The following PRKN variants were observed in gnomAD, a reference collection of about 807,000 sequenced individuals.
The protein encoded by PRKN is E3 ubiquitin-protein ligase parkin.
A neutral mutation model predicts 59.5 loss-of-function variants in PRKN; 56 were observed. The observed-to-expected ratio is 0.94, with a 90% confidence interval of 0.76 to 1.18. PRKN has a LOEUF of 1.18. PRKN is among the 50% of genes most tolerant of loss of function. PRKN has a pLI of 0.00. For missense variants in PRKN, 657 were observed against 596.4 expected (o/e 1.10, Z -1.06); for synonymous variants, 250 against 222.1 (o/e 1.13, Z -1.12).
chr6:162,390,396 T>TACACACACACACACAC (rs1554312764), intron 2 of PRKN, among the ~76,000 whole-genome samples: 1 of 84,116 alleles, frequency 1.2e-5, no homozygotes, highest in African/African-American at 4.5e-5. Context: ...TATATATATA[T>TACACACACACACACAC]ACACACACAC....
At chr6:162,535,088 C>T (rs141286336) in intron 1 of PRKN, among the ~76,000 whole-genome samples, 6 of 151,480 alleles carry the variant, frequency 4.0e-5, no homozygotes, top group Non-Finnish European at 8.9e-5. Context: ...TTAACAGGTG[C>T]TGGCTAAAGG....
At chr6:162,227,519 C>T (rs891023677) in intron 3 of PRKN, among the ~76,000 whole-genome samples, 17 of 152,054 alleles carry the variant, frequency 1.1e-4, no homozygotes, top group Non-Finnish European at 2.2e-4. Context: ...ATCTGACACC[C>T]ACAAACACTT....
chr6:162,532,741 C>A (rs1226617514), intron 1 of PRKN, among the ~76,000 whole-genome samples: 2 of 152,300 alleles, frequency 1.3e-5, no homozygotes, highest in East Asian at 3.9e-4. Context: ...ACAAAGATTT[C>A]TTATCTGTAT....
chr6:162,611,914 G>A lies in PRKN; in HGVS notation c.7+115748C>T, dbSNP rs565341212. Among the ~76,000 whole-genome samples the A allele has an allele frequency of 2.1e-3, 320 of 152,180 alleles. 2 individuals carry two copies. The highest frequency in any genetic ancestry group is 5.2e-3 in the South Asian group (25 of 4,830). On this transcript the variant is annotated intron_variant, in intron 1 of 11. Transcript: ENST00000366898. ...ATAAAGAAATGATACAGCGGGGCGT[G>A]GTGGCTCACGCCTGTAATCCCAGCA...
intron 7 of PRKN, among the ~76,000 whole-genome samples, chr6:161,664,587 C>T (rs538506534): frequency 3.3e-5 from 5 of 152,178 alleles, no homozygotes; most frequent in Admixed American, 2.0e-4. Context: ...TTTAATAGAA[C>T]AAAGTTATTC....
At chr6:161,926,981 G>A (rs1778992144) in intron 6 of PRKN, among the ~76,000 whole-genome samples, 1 of 152,092 alleles carries the variant, frequency 6.6e-6, no homozygotes, top group East Asian at 1.9e-4. Context: ...GATAAACAAG[G>A]CTCAGATAAA....
At position 161,467,342 on chromosome 6, in the gene PRKN, T is replaced by C. The variant is rs1156371468; in HGVS notation, c.1084-80465A>G. The stretch of plus-strand genomic sequence containing the variant: ...GCGGTGAATTTGATATAGACACATA[T>C]AATACGAACACGATTCTAGCCCTAT... On this transcript the variant is annotated intron_variant, in intron 9 of 11. Coordinates refer to ENST00000366898, the MANE Select transcript of PRKN (RefSeq NM_004562.3). This position sits in a 1 kb window ranked among gnomAD's most constrained non-coding sequence, Gnocchi z 4.3. Among the ~76,000 whole-genome samples the C allele has an allele frequency of 1.3e-5, 2 of 152,196 alleles. No homozygotes were observed. The highest frequency in any genetic ancestry group is 2.4e-5 in the African/African-American group (1 of 41,446).
At chr6:162,550,099 C>G (rs777063454) in intron 1 of PRKN, among the ~76,000 whole-genome samples, 1 of 152,100 alleles carries the variant, frequency 6.6e-6, no homozygotes, top group Non-Finnish European at 1.5e-5. Flanking sequence ...AAATAAAGAT[C>G]TATGTGCAGA....
chr6:162,073,333 G>A (rs1300479872), intron 4 of PRKN, among the ~76,000 whole-genome samples: 1 of 152,204 alleles, frequency 6.6e-6, no homozygotes, highest in Non-Finnish European at 1.5e-5. Context: ...GTCTATTCCT[G>A]TATTTATTAC....
At chr6:161,734,804 TATTTTTCATA>T (rs1365237588) in intron 7 of PRKN, among the ~76,000 whole-genome samples, 1 of 152,178 alleles carries the variant, frequency 6.6e-6, no homozygotes, top group Non-Finnish European at 1.5e-5. Flanking sequence ...CTGAACTGAA[TATTTTTCATA>T]GTTTTACCAA....
intron 1 of PRKN, among the ~76,000 whole-genome samples, chr6:162,507,854 T>A (rs1793676981): frequency 6.6e-6 from 1 of 152,206 alleles, no homozygotes; most frequent in Non-Finnish European, 1.5e-5. Context: ...CAGTCAATAC[T>A]GGATGGATTA....
chr6:162,334,653 G>C (rs1195369485), intron 2 of PRKN, among the ~76,000 whole-genome samples: 2 of 152,194 alleles, frequency 1.3e-5, no homozygotes, highest in African/African-American at 4.8e-5. Context: ...GGATTAAGGA[G>C]CAATTTTAAC....
intron 9 of PRKN, among the ~76,000 whole-genome samples, chr6:161,490,107 C>T (rs188887809): frequency 2.7e-4 from 41 of 152,292 alleles, no homozygotes; most frequent in Admixed American, 2.4e-3. Context: ...AATACAATGA[C>T]GTAAGCATTT....
chr6:161,736,947 G>A (rs758349949), intron 7 of PRKN, among the ~76,000 whole-genome samples: 2 of 152,142 alleles, frequency 1.3e-5, no homozygotes, highest in Non-Finnish European at 2.9e-5. Context: ...TAAAGTCTCT[G>A]GTTTGTGTGA....
chr6:162,445,974 A>C (rs1370589046), intron 1 of PRKN, among the ~76,000 whole-genome samples: 1 of 152,110 alleles, frequency 6.6e-6, no homozygotes, highest in Non-Finnish European at 1.5e-5. Flanking sequence ...ACCAGCACGG[A>C]AAGTGTTTAG....
At chr6:161,573,030 A>C (rs1260755638) in intron 7 of PRKN, among the ~76,000 whole-genome samples, 1 of 152,202 alleles carries the variant, frequency 6.6e-6, no homozygotes, top group Non-Finnish European at 1.5e-5. Flanking sequence ...TAGTTTCCTG[A>C]AATGAGTGAG....
chr6:161,979,742 A>C (rs2128253910), intron 5 of PRKN, among the ~76,000 whole-genome samples: 1 of 152,228 alleles, frequency 6.6e-6, no homozygotes, highest in South Asian at 2.1e-4. Context: ...TCACTGTCGA[A>C]GCCTGACCCT....
chr6:161,697,540 C>T (rs1309412544), intron 7 of PRKN, among the ~76,000 whole-genome samples: 1 of 152,118 alleles, frequency 6.6e-6, no homozygotes, highest in Admixed American at 6.6e-5. Flanking sequence ...CTAGTCTCAA[C>T]GTTCTTTATC....
At chr6:162,242,845 AC>A (rs1779039176) in intron 3 of PRKN, among the ~76,000 whole-genome samples, 1 of 152,078 alleles carries the variant, frequency 6.6e-6, no homozygotes, top group Non-Finnish European at 1.5e-5. Flanking sequence ...ACCGTAGAAA[AC>A]TGCATCTTCA....
Sources: allele counts gnomAD v4.1 joint callset (sites outside exome capture counted in the v4.1 genomes callset), GRCh38; gene constraint gnomAD v4.1.1; non-coding constraint Gnocchi (gnomAD v3.1); transcripts MANE v1.5; gene names NCBI Gene and HGNC (gene_info 2026-07-23, HGNC 2026-07-21).